Variants in GRIK3 observed in about 807,000 individuals in gnomAD.
The protein encoded by GRIK3 is glutamate ionotropic receptor kainate type subunit 3.
In GRIK3, 29 loss-of-function variants were observed where a neutral mutation model predicts 102.5. The ratio of observed to expected loss-of-function variants is 0.28; its 90% confidence interval spans 0.21 to 0.39. The LOEUF is 0.39. Among genes scored for constraint, GRIK3 ranks in the 10% least tolerant of loss-of-function variants. GRIK3 has a pLI of 1.00. For synonymous variants in GRIK3, 511 were observed against 504.9 expected (o/e 1.01, Z -0.16); for missense variants, 908 against 1,252.4 (o/e 0.73, Z 4.15).
At position 36,850,229 on chromosome 1, in the gene GRIK3, G is replaced by T; in HGVS notation, c.1326+82C>A. ...GCAGCCTCCATCTTCTGGGTGGGGG[G>T]GATAGAGGGGACTCTCCAGCCCGAA... On this transcript the variant is annotated intron_variant, in intron 9 of 15. Coordinates refer to ENST00000373091, the MANE Select transcript of GRIK3 (RefSeq NM_000831.4). The surrounding 1 kb of genome is among the most constrained non-coding windows in gnomAD (Gnocchi z 4.0). The T allele has an allele frequency of 1.2e-6, 1 of 828,860 alleles. No individual in the cohort carries two copies. The allele number at this position is 828,860 out of a possible 1,614,324, so 51.3% of individuals were successfully genotyped here. A position where few individuals can be genotyped will look rare whatever the true frequency, so the allele number is the denominator to read the frequency against.
intron 5 of GRIK3, among the ~76,000 whole-genome samples, chr1:36,866,247 C>T (rs1557707460): frequency 6.6e-6 from 1 of 152,178 alleles, no homozygotes; most frequent in Non-Finnish European, 1.5e-5. Context: ...GCTCCGTTTC[C>T]CCATTGACCT....
At chr1:36,984,562 T>G (rs548178899) in intron 1 of GRIK3, among the ~76,000 whole-genome samples, 1 of 152,294 alleles carries the variant, frequency 6.6e-6, no homozygotes, top group African/African-American at 2.4e-5. Context: ...ACAGAGTTAG[T>G]GTGGACAGCG....
At chr1:36,884,032 CT>C (rs1641011982) in intron 2 of GRIK3, among the ~76,000 whole-genome samples, 1 of 152,224 alleles carries the variant, frequency 6.6e-6, no homozygotes, top group Non-Finnish European at 1.5e-5. Context: ...CTGGAGCCCC[CT>C]GTAACACGGG....
intron 10 of GRIK3, among the ~76,000 whole-genome samples, chr1:36,832,375 C>T (rs148716449): frequency 2.0e-5 from 3 of 152,156 alleles, no homozygotes; most frequent in Non-Finnish European, 4.4e-5. Context: ...AGCACATGGC[C>T]GTTTACAAGA....
intron 1 of GRIK3, among the ~76,000 whole-genome samples, chr1:36,982,382 T>A (rs534298054): frequency 6.6e-6 from 1 of 152,288 alleles, no homozygotes; most frequent in South Asian, 2.1e-4. Flanking sequence ...CCAGAGGAGC[T>A]GGGAGGACAC....
chr1:36,842,087 C>T (rs749155990), intron 9 of GRIK3, 148 bp from the exon 10 acceptor site: 34 of 677,664 alleles, frequency 5.0e-5, no homozygotes, highest in South Asian at 8.7e-5. Flanking sequence ...AAGTCAGGAG[C>T]GGGAAAGCAC....
chr1:37,032,251 C>T (rs1044901275), intron 1 of GRIK3, among the ~76,000 whole-genome samples: 6 of 152,180 alleles, frequency 3.9e-5, no homozygotes, highest in Non-Finnish European at 5.9e-5. Flanking sequence ...GCTGCCCTTA[C>T]GGTAGCCTGT....
At chr1:36,831,797 A>G (rs2124204491) in intron 10 of GRIK3, among the ~76,000 whole-genome samples, 1 of 152,354 alleles carries the variant, frequency 6.6e-6, no homozygotes, top group Middle Eastern at 3.4e-3. Flanking sequence ...CTTAAAATTA[A>G]ATAACCCCGT....
chr1:37,014,808 T>G (rs1455047478), intron 1 of GRIK3, among the ~76,000 whole-genome samples: 1 of 151,640 alleles, frequency 6.6e-6, no homozygotes, highest in Non-Finnish European at 1.5e-5. Flanking sequence ...GTCATCCCAG[T>G]AACAGAACCC....
intron 1 of GRIK3, among the ~76,000 whole-genome samples, chr1:36,948,806 G>T (rs1235080815): frequency 3.9e-5 from 6 of 152,128 alleles, no homozygotes; most frequent in Non-Finnish European, 8.8e-5. Context: ...CAGCCCTCCA[G>T]CCCACTGCCC....
intron 1 of GRIK3, among the ~76,000 whole-genome samples, chr1:36,985,878 A>C (rs1642298695): frequency 6.6e-6 from 1 of 152,076 alleles, no homozygotes; most frequent in African/African-American, 2.4e-5. Context: ...TCTCCCACAG[A>C]GTAGGACCCA....
At chr1:36,992,637 G>C (rs904492368) in intron 1 of GRIK3, among the ~76,000 whole-genome samples, 1 of 152,154 alleles carries the variant, frequency 6.6e-6, no homozygotes, top group Non-Finnish European at 1.5e-5. Context: ...TAAACAGTGA[G>C]GGGACACCTG....
At chr1:36,827,503 T>G (rs1557694709) in intron 10 of GRIK3, among the ~76,000 whole-genome samples, 1 of 152,110 alleles carries the variant, frequency 6.6e-6, no homozygotes, top group Non-Finnish European at 1.5e-5. Context: ...ATTAACTTGG[T>G]CCAACTCCAT....
At chr1:37,006,773 C>T (rs943672180) in intron 1 of GRIK3, among the ~76,000 whole-genome samples, 3 of 152,188 alleles carry the variant, frequency 2.0e-5, no homozygotes, top group East Asian at 1.9e-4. Flanking sequence ...GGCAGCTATG[C>T]GATGGATCCT....
intron 13 of GRIK3, among the ~76,000 whole-genome samples, chr1:36,809,730 G>T (rs1570736784): frequency 6.6e-6 from 1 of 152,198 alleles, no homozygotes; most frequent in East Asian, 1.9e-4. Flanking sequence ...TCAGTTGGGG[G>T]CTGAAGGGAG....
intron 1 of GRIK3, among the ~76,000 whole-genome samples, chr1:36,923,208 C>T (rs906869723): frequency 5.3e-5 from 8 of 152,218 alleles, no homozygotes; most frequent in Non-Finnish European, 8.8e-5. Context: ...CGTATCAGCG[C>T]TTTGCCCACA....
At chr1:36,856,227 T>C (rs1215913662) in intron 7 of GRIK3, among the ~76,000 whole-genome samples, 2 of 152,184 alleles carry the variant, frequency 1.3e-5, no homozygotes, top group Admixed American at 6.5e-5. Flanking sequence ...CCAGGGGAAA[T>C]CACAGCAGGT....
chr1:36,851,582 T>C (rs967350655), intron 8 of GRIK3, among the ~76,000 whole-genome samples: 1 of 152,228 alleles, frequency 6.6e-6, no homozygotes, highest in Non-Finnish European at 1.5e-5. Flanking sequence ...GCACAGACCC[T>C]CACTTGAGCT....
At chr1:36,910,510 G>T (rs552479233) in intron 1 of GRIK3, among the ~76,000 whole-genome samples, 1 of 152,336 alleles carries the variant, frequency 6.6e-6, no homozygotes, top group East Asian at 1.9e-4. Flanking sequence ...TGGGGGAACT[G>T]GTGGTGTCTC....
Sources: allele counts gnomAD v4.1 joint callset (sites outside exome capture counted in the v4.1 genomes callset), GRCh38; gene constraint gnomAD v4.1.1; non-coding constraint Gnocchi (gnomAD v3.1); transcripts MANE v1.5; gene names NCBI Gene and HGNC (gene_info 2026-07-23, HGNC 2026-07-21).